Variants in ITFG1 observed in about 807,000 individuals in gnomAD.
ITFG1 encodes T-cell immunomodulatory protein.
A neutral mutation model predicts 81.8 loss-of-function variants in ITFG1; 34 were observed. The observed-to-expected ratio is 0.42, with a 90% CI of 0.32 to 0.55. The LOEUF (loss-of-function observed/expected upper bound fraction) is 0.55, where lower values mean the gene tolerates loss of function less well. Ranked by LOEUF, ITFG1 falls within the 20% of genes least tolerant of loss-of-function variation. The pLI, the probability that ITFG1 is intolerant of heterozygous loss-of-function variation, is 0.17. For missense variants in ITFG1, 672 were observed against 755.4 expected, an observed-to-expected ratio of 0.89 and a Z score of 1.29; for synonymous variants, 285 against 270.6, an observed-to-expected ratio of 1.05 and a Z score of -0.52.
chr16:47,299,391 C>G (rs973364037), intron 10 of ITFG1: 1 of 152,498 alleles, frequency 6.6e-6, no homozygotes, highest in Non-Finnish European at 1.5e-5. Context: ...CCACGGAATT[C>G]TCAGCGGTCT....
chr16:47,306,532 A>G (rs1329014415), intron 10 of ITFG1, among the ~76,000 whole-genome samples: 1 of 152,110 alleles, frequency 6.6e-6, no homozygotes, highest in Non-Finnish European at 1.5e-5. Context: ...CAATGAAACC[A>G]CTTATTATCA....
chr16:47,179,709 A>G (rs1965079655), intron 14 of ITFG1, among the ~76,000 whole-genome samples: 1 of 152,206 alleles, frequency 6.6e-6, no homozygotes, highest in Non-Finnish European at 1.5e-5. Context: ...TACCTTTTAA[A>G]AGTATGTGGT....
intron 6 of ITFG1, among the ~76,000 whole-genome samples, chr16:47,390,627 T>G (rs1968518113): frequency 6.6e-6 from 1 of 152,096 alleles, no homozygotes; most frequent in Non-Finnish European, 1.5e-5. Flanking sequence ...GCCCGGCTAA[T>G]TTTTTTATTT....
intron 10 of ITFG1, among the ~76,000 whole-genome samples, chr16:47,264,850 T>C (rs1383036663): frequency 6.6e-6 from 1 of 152,158 alleles, no homozygotes; most frequent in Non-Finnish European, 1.5e-5. Flanking sequence ...CAGCTGAGTA[T>C]TACATTTATG....
chr16:47,377,335 A>T (rs1968339714), intron 6 of ITFG1, among the ~76,000 whole-genome samples: 1 of 152,124 alleles, frequency 6.6e-6, no homozygotes, highest in Admixed American at 6.5e-5. Context: ...TATGAACGTC[A>T]TTTGTTTACT....
chr16:47,359,418 A>G (rs1968081410), intron 8 of ITFG1, among the ~76,000 whole-genome samples: 3 of 152,128 alleles, frequency 2.0e-5, no homozygotes, highest in African/African-American at 7.2e-5. Context: ...AGTTGTTCAA[A>G]CCAAAAATCT....
At chr16:47,263,495 AC>A (rs968093229) in intron 10 of ITFG1, 24 of 334,544 alleles carry the variant, frequency 7.2e-5, no homozygotes, top group Non-Finnish European at 1.4e-4. Flanking sequence ...TGATGGATCT[AC>A]CCCAGGAGGG....
intron 14 of ITFG1, among the ~76,000 whole-genome samples, chr16:47,201,145 C>T (rs982882613): frequency 1.3e-5 from 2 of 152,000 alleles, no homozygotes; most frequent in South Asian, 2.1e-4. Flanking sequence ...ATAATTATAC[C>T]ATCTTTTCTA....
chr16:47,323,462 T>C (rs1596894012), intron 8 of ITFG1, among the ~76,000 whole-genome samples: 1 of 150,954 alleles, frequency 6.6e-6, no homozygotes, highest in African/African-American at 2.5e-5. Flanking sequence ...AGGACTCTGG[T>C]ATTATCAGAT....
At chr16:47,236,632 TGG>T (rs1965878360) in intron 13 of ITFG1, among the ~76,000 whole-genome samples, 1 of 151,994 alleles carries the variant, frequency 6.6e-6, no homozygotes, top group Non-Finnish European at 1.5e-5. Flanking sequence ...AGCCACAGAA[TGG>T]AGATATGGTT....
In ITFG1 at chr16:47,415,095, T is replaced by C. The variant is rs546475578; in HGVS notation, c.655+13709A>G. 3.3e-5 allele frequency among the ~76,000 whole-genome samples: 5 copies of C among 152,362 alleles called. No homozygotes were observed. In the East Asian group the frequency reaches 9.6e-4, roughly 29 times the overall value. On this transcript the variant is annotated intron_variant, in intron 6 of 17. Coordinates refer to ENST00000320640, the MANE Select transcript of ITFG1 (RefSeq NM_030790.5). ...CAAGGGATATTAATGTTCCCATGTG[T>C]CTGCAGTTTCAACCATAAAAATCTT...
chr16:47,358,475 T>A (rs1344177394), intron 8 of ITFG1, among the ~76,000 whole-genome samples: 4 of 152,336 alleles, frequency 2.6e-5, no homozygotes, highest in Admixed American at 2.6e-4. Flanking sequence ...ATAGGAAGAC[T>A]AAGAATTAAC....
At chr16:47,280,775 A>T (rs1013071630) in intron 10 of ITFG1, among the ~76,000 whole-genome samples, 1 of 152,122 alleles carries the variant, frequency 6.6e-6, no homozygotes, top group Non-Finnish European at 1.5e-5. Flanking sequence ...AAAAGAGAGG[A>T]GGAGCAGCTT....
intron 6 of ITFG1, among the ~76,000 whole-genome samples, chr16:47,416,399 T>C (rs1364586326): frequency 6.6e-6 from 1 of 152,176 alleles, no homozygotes; most frequent in Non-Finnish European, 1.5e-5. Flanking sequence ...ACATTACTTG[T>C]TTTTTCTTCA....
At chr16:47,349,596 C>T (rs1967918349) in intron 8 of ITFG1, among the ~76,000 whole-genome samples, 1 of 152,144 alleles carries the variant, frequency 6.6e-6, no homozygotes, top group African/African-American at 2.4e-5. Flanking sequence ...CTTAGACTCC[C>T]ACACAATAAT....
chr16:47,295,903 A>G (rs900990125), intron 10 of ITFG1, among the ~76,000 whole-genome samples: 1 of 151,478 alleles, frequency 6.6e-6, no homozygotes, highest in Admixed American at 6.6e-5. Flanking sequence ...TTTGTTAATT[A>G]CCTTTGTTTT....
At chr16:47,445,727 T>C (rs1274898750) in intron 5 of ITFG1, among the ~76,000 whole-genome samples, 4 of 152,166 alleles carry the variant, frequency 2.6e-5, no homozygotes, top group African/African-American at 9.7e-5. Context: ...CAGGATTGGA[T>C]CTTAAGAGAC....
chr16:47,257,580 A>C (rs1202660310), intron 12 of ITFG1, among the ~76,000 whole-genome samples: 1 of 152,326 alleles, frequency 6.6e-6, no homozygotes, highest in Admixed American at 6.5e-5. Context: ...AACAGACGAA[A>C]TTAGAAGGAA....
chr16:47,398,685 C>A (rs1017515743), intron 6 of ITFG1, among the ~76,000 whole-genome samples: 3 of 152,182 alleles, frequency 2.0e-5, no homozygotes, highest in Non-Finnish European at 4.4e-5. Flanking sequence ...TGAATCAGAT[C>A]TTTTCTGTCA....
Sources: gnomAD v4.1 joint callset for allele counts (sites outside exome capture counted in the v4.1 genomes callset) on GRCh38, gnomAD v4.1.1 for gene constraint, MANE v1.5 for transcripts, NCBI Gene and HGNC (gene_info 2026-07-23, HGNC 2026-07-21) for gene names.